Variants in PRKN observed in about 807,000 individuals in gnomAD.
PRKN encodes parkin RBR E3 ubiquitin protein ligase.
A neutral mutation model predicts 59.5 loss-of-function variants in PRKN; 56 were observed. That is an observed-to-expected ratio of 0.94 (90% CI 0.76 to 1.18). PRKN has a LOEUF of 1.18. Ranked by LOEUF, PRKN falls within the 50% of genes most tolerant of loss-of-function variation. The pLI, the probability that PRKN is intolerant of heterozygous loss-of-function variation, is 0.00. For missense variants in PRKN, 657 were observed against 596.4 expected (o/e 1.10, Z -1.06); for synonymous variants, 250 against 222.1 (o/e 1.13, Z -1.12).
Position 161,681,897 on chromosome 6 carries a change from G to A in PRKN, c.871+103875C>T, listed in dbSNP as rs775696844. Among the ~76,000 whole-genome samples, 5 of 152,236 alleles carry A rather than the reference G, an allele frequency of 3.3e-5. 1 individual carries two copies. The highest frequency in any genetic ancestry group is 5.9e-5 in the Non-Finnish European group (4 of 68,038). ...AGCCCTTTGTACCTGTGCAGAGGAC[G>A]TCTGCAATGCCAAGAGCAAAGGGCT... On this transcript the variant is annotated intron_variant, in intron 7 of 11. Coordinates refer to ENST00000366898, the MANE Select transcript of PRKN (RefSeq NM_004562.3).
Position 161,378,750 on chromosome 6 carries a change from A to G in PRKN, c.1167+8044T>C, listed in dbSNP as rs1785838915. 6.6e-6 allele frequency among the ~76,000 whole-genome samples: 1 copy of G among 152,118 alleles called. No homozygotes were observed. The highest frequency in any genetic ancestry group is 1.5e-5 in the Non-Finnish European group (1 of 68,018). On this transcript the variant is annotated intron_variant, in intron 10 of 11. Transcript: ENST00000366898. The surrounding 1 kb of genome is among the most constrained non-coding windows in gnomAD (Gnocchi z 7.3). ...ACGATGCCGCTGGAGCTGCACTGTG[A>G]TGTGGGCGCTATCCTCTAAGGTGAG...
rs184795472 is a variant in PRKN, at chr6:161,784,818, C to T, written c.871+954G>A. Among the ~76,000 whole-genome samples, 78 of 152,126 alleles carry T rather than the reference C, an allele frequency of 5.1e-4. No homozygotes were observed. The East Asian group carries it at 8.9e-3, about 17-fold the overall frequency. On this transcript the variant is annotated intron_variant, in intron 7 of 11. Transcript: ENST00000366898. ...GAAACTTATATATGAATGTTTACAACGGCATTATTCATAATAGCCAAAAAG... is the reference window on the plus strand; with the variant it reads ...GAAACTTATATATGAATGTTTACAATGGCATTATTCATAATAGCCAAAAAG...
At chr6:161,605,407 A>G (rs1406204800) in intron 7 of PRKN, among the ~76,000 whole-genome samples, 1 of 152,190 alleles carries the variant, frequency 6.6e-6, no homozygotes, top group Non-Finnish European at 1.5e-5. Flanking sequence ...CAAATGCTCA[A>G]TGCAGCATGG....
At chr6:162,711,008 G>T (rs1778517494) in intron 1 of PRKN, among the ~76,000 whole-genome samples, 1 of 152,164 alleles carries the variant, frequency 6.6e-6, no homozygotes, top group Non-Finnish European at 1.5e-5. Flanking sequence ...TCCACTACTG[G>T]AAACAGAGCT....
chr6:162,691,372 C>T (rs572894006), intron 1 of PRKN, among the ~76,000 whole-genome samples: 1 of 152,214 alleles, frequency 6.6e-6, no homozygotes, highest in African/African-American at 2.4e-5. Context: ...GAGACAGCTA[C>T]ATAACATGCT....
At chr6:162,502,375 G>T (rs1357455764) in intron 1 of PRKN, among the ~76,000 whole-genome samples, 1 of 152,090 alleles carries the variant, frequency 6.6e-6, no homozygotes, top group Non-Finnish European at 1.5e-5. Flanking sequence ...TGCCCAGGCT[G>T]GTCTGAAACT....
At position 161,794,390 on chromosome 6, in the gene PRKN, G is replaced by A. The variant is rs75271049; in HGVS notation, c.735-8482C>T. ...GTGTTGGCGGAGTCTGAATTCTCAC[G>A]AGCGTCTGTCTGGCCAAGACCTACA... On this transcript the variant is annotated intron_variant, in intron 6 of 11. Transcript: ENST00000366898. 2.9e-3 allele frequency among the ~76,000 whole-genome samples: 441 copies of A among 152,118 alleles called. 1 individual carries two copies. Among genetic ancestry groups the A allele is most frequent in the African/African-American group, 0.01 (424 of 41,502 alleles).
chr6:162,106,145 A>G (rs1316369017), intron 4 of PRKN, among the ~76,000 whole-genome samples: 1 of 152,250 alleles, frequency 6.6e-6, no homozygotes, highest in Non-Finnish European at 1.5e-5. Flanking sequence ...GTAACAATGC[A>G]CTTGATGATT....
intron 1 of PRKN, among the ~76,000 whole-genome samples, chr6:162,716,742 T>C (rs1276919226): frequency 1.3e-5 from 2 of 151,070 alleles, no homozygotes; most frequent in Non-Finnish European, 2.9e-5. Flanking sequence ...AACTAGTCCA[T>C]ACACCCTACC....
intron 7 of PRKN, among the ~76,000 whole-genome samples, chr6:161,591,623 A>T (rs529750721): frequency 6.6e-6 from 1 of 152,344 alleles, no homozygotes; most frequent in Admixed American, 6.5e-5. Context: ...GTGCAGTCTA[A>T]AGCAATGTTT....
chr6:161,858,943 C>CCT (rs1393649777), intron 6 of PRKN, among the ~76,000 whole-genome samples: 16 of 111,216 alleles, frequency 1.4e-4, no homozygotes, highest in Non-Finnish European at 3.1e-4. Context: ...CTCACTGCAA[C>CCT]CTCCGTCTCC....
intron 6 of PRKN, among the ~76,000 whole-genome samples, chr6:161,874,359 T>TAC (rs1794551049): frequency 2.3e-5 from 2 of 88,614 alleles, no homozygotes; most frequent in Non-Finnish European, 3.8e-5. Context: ...AAATATATAT[T>TAC]ATATGTAAAA....
intron 2 of PRKN, among the ~76,000 whole-genome samples, chr6:162,337,286 ATC>A (rs1456762282): frequency 4.6e-5 from 7 of 152,208 alleles, no homozygotes; most frequent in Non-Finnish European, 4.4e-5. Context: ...AAGAAAAGTT[ATC>A]TCACCTCCCC....
chr6:162,704,366 C>T (rs1484955821), intron 1 of PRKN, among the ~76,000 whole-genome samples: 1 of 152,174 alleles, frequency 6.6e-6, no homozygotes, highest in Non-Finnish European at 1.5e-5. Context: ...CTCCCCCAGA[C>T]TCCTTAGAAG....
rs768134539 is a variant in PRKN at position 161,466,767 on chromosome 6, T to C, written c.1084-79890A>G. ...GGCTTTCTGACAAGTGATTGATAGA[T>C]TTATTTCAAAGCTGTCAAGTAGAGC... On this transcript the variant is annotated intron_variant, in intron 9 of 11. Coordinates refer to ENST00000366898, the MANE Select transcript of PRKN (RefSeq NM_004562.3). The surrounding 1 kb of genome is among the most constrained non-coding windows in gnomAD (Gnocchi z 5.0). Among the ~76,000 whole-genome samples, 3 of 152,186 alleles carry C rather than the reference T, an allele frequency of 2.0e-5. No individual in the cohort carries two copies. Among genetic ancestry groups the C allele is most frequent in the Admixed American group, 6.5e-5 (1 of 15,272 alleles).
intron 7 of PRKN, among the ~76,000 whole-genome samples, chr6:161,722,817 T>C (rs1787281013): frequency 6.6e-6 from 1 of 152,244 alleles, no homozygotes; most frequent in African/African-American, 2.4e-5. Context: ...AATTTTTCTT[T>C]AAAAATTCTC....
chr6:161,464,545 T>G (rs1284837561), intron 9 of PRKN, among the ~76,000 whole-genome samples: 1 of 152,224 alleles, frequency 6.6e-6, no homozygotes, highest in Non-Finnish European at 1.5e-5. Context: ...AACCTTTCCA[T>G]GTTCTGAAAA....
At chr6:162,517,418 GT>G (rs71818014) in intron 1 of PRKN, among the ~76,000 whole-genome samples, 62 of 143,640 alleles carry the variant, frequency 4.3e-4, no homozygotes, top group African/African-American at 6.8e-4. Flanking sequence ...CGACTAATTT[GT>G]TTTTTTTTTT....
chr6:162,025,656 T>A lies in PRKN; in HGVS notation c.618+28435A>T, dbSNP rs909000777. Among the ~76,000 whole-genome samples the A allele has an allele frequency of 4.7e-4, 61 of 130,164 alleles. 1 individual carries two copies. The highest frequency in any genetic ancestry group is 4.8e-4 in the Non-Finnish European group (31 of 64,108). The allele number at this position is 130,164 out of a possible 152,430, so 85.4% of individuals were successfully genotyped here. A position where few individuals can be genotyped will look rare whatever the true frequency, so the allele number is the denominator to read the frequency against. Reference sequence around the variant, plus strand: ...CAGGCTGGAGTACAGTGCCACGATCTCAGCTCACTGCAACCTCCGCCTCCC... The same window carrying A: ...CAGGCTGGAGTACAGTGCCACGATCACAGCTCACTGCAACCTCCGCCTCCC... On this transcript the variant is annotated intron_variant, in intron 5 of 11. Coordinates refer to ENST00000366898, the MANE Select transcript of PRKN (RefSeq NM_004562.3).
Sources: gnomAD v4.1 joint callset for allele counts (sites outside exome capture counted in the v4.1 genomes callset) on GRCh38, gnomAD v4.1.1 for gene constraint, Gnocchi (gnomAD v3.1) non-coding constraint, MANE v1.5 for transcripts, NCBI Gene and HGNC (gene_info 2026-07-23, HGNC 2026-07-21) for gene names.